Variants in SLIT1 observed in about 807,000 individuals in gnomAD.
SLIT1 encodes slit homolog 1 protein.
In SLIT1, 66 loss-of-function variants were observed where a neutral mutation model predicts 186.1. The observed-to-expected ratio is 0.35, with a 90% CI of 0.29 to 0.44. The LOEUF is 0.44. SLIT1 is among the 20% of genes least tolerant of loss of function. SLIT1 has a pLI of 1.00. For missense variants in SLIT1, 1,638 were observed against 2,037.4 expected (o/e 0.80, Z 3.77); for synonymous variants, 761 against 833.8 (o/e 0.91, Z 1.50).
At chr10:97,141,869 T>C (rs760569740) in intron 4 of SLIT1, among the ~76,000 whole-genome samples, 2 of 152,186 alleles carry the variant, frequency 1.3e-5, no homozygotes, top group Non-Finnish European at 2.9e-5. Flanking sequence ...CATGGTTCAC[T>C]GCATCCCCAA....
At chr10:97,073,622 C>T (rs1363415483) in intron 4 of SLIT1, among the ~76,000 whole-genome samples, 5 of 152,148 alleles carry the variant, frequency 3.3e-5, no homozygotes, top group Non-Finnish European at 5.9e-5. Context: ...GGGACAAGGT[C>T]CCAGACTTCT....
At chr10:97,165,177 T>A (rs1344759175) in intron 1 of SLIT1, among the ~76,000 whole-genome samples, 1 of 152,162 alleles carries the variant, frequency 6.6e-6, no homozygotes, top group Non-Finnish European at 1.5e-5. Flanking sequence ...GTTGGAGAGA[T>A]GAGACATTCA....
chr10:97,110,213 A>G (rs1849452195), intron 4 of SLIT1, among the ~76,000 whole-genome samples: 1 of 152,220 alleles, frequency 6.6e-6, no homozygotes, highest in Admixed American at 6.5e-5. Flanking sequence ...ATGCCTAATC[A>G]AAACAGTTCC....
chr10:97,157,462 G>A (rs1849966521), intron 4 of SLIT1: 1 of 275,264 alleles, frequency 3.6e-6, no homozygotes, highest in African/African-American at 2.2e-5. Flanking sequence ...TTCAGCTCCA[G>A]GCAGGTTACT....
At chr10:97,057,612 G>C (rs1163492179) in intron 11 of SLIT1, 1 of 366,998 alleles carries the variant, frequency 2.7e-6, no homozygotes, top group Non-Finnish European at 4.9e-6. Flanking sequence ...ATCTGGTCCA[G>C]AATCCAAAAG....
intron 10 of SLIT1, 117 bp downstream of exon 10, chr10:97,059,970 G>T: frequency 1.1e-6 from 1 of 883,376 alleles, no homozygotes; most frequent in Non-Finnish European, 1.9e-6. Context: ...TCAGGTGGCT[G>T]GCCAAGGCCA....
chr10:97,171,322 A>AGATGCAACACCCGCCC (rs1162620015), intron 1 of SLIT1, among the ~76,000 whole-genome samples: 1 of 152,108 alleles, frequency 6.6e-6, no homozygotes, highest in Non-Finnish European at 1.5e-5. Context: ...CCCACCTGCC[A>AGATGCAACACCCGCCC]GCTGCAACAC....
intron 1 of SLIT1, among the ~76,000 whole-genome samples, chr10:97,170,009 G>C (rs896714887): frequency 6.6e-6 from 1 of 152,236 alleles, no homozygotes; most frequent in Admixed American, 6.5e-5. Flanking sequence ...CCCTCACCTC[G>C]AGTGGCCATG....
intron 21 of SLIT1, 58 bp downstream of exon 21, chr10:97,039,930 C>T: frequency 6.3e-7 from 1 of 1,586,554 alleles, no homozygotes. Context: ...CAGGAAATGC[C>T]CCCACTGTCC....
At chr10:97,107,737 C>A (rs1211397280) in intron 4 of SLIT1, among the ~76,000 whole-genome samples, 1 of 152,172 alleles carries the variant, frequency 6.6e-6, no homozygotes, top group Non-Finnish European at 1.5e-5. Context: ...GCCCCACCCC[C>A]ACGTGCTGCC....
intron 4 of SLIT1, among the ~76,000 whole-genome samples, chr10:97,082,656 G>A (rs1335197653): frequency 3.3e-5 from 5 of 152,086 alleles, no homozygotes; most frequent in Admixed American, 6.5e-5. Flanking sequence ...GGATGGCCTC[G>A]ATCTCCTGAC....
At chr10:97,024,192 T>TGAG (rs1848525521) in intron 25 of SLIT1, among the ~76,000 whole-genome samples, 1 of 152,220 alleles carries the variant, frequency 6.6e-6, no homozygotes, top group African/African-American at 2.4e-5. Flanking sequence ...AGGAAGCAGT[T>TGAG]ACCCTTGAGA....
intron 28 of SLIT1, 94 bp from the exon 29 acceptor site, chr10:97,014,252 G>A: frequency 1.4e-6 from 2 of 1,464,518 alleles, no homozygotes; most frequent in Admixed American, 1.7e-5. Flanking sequence ...CACGGAGTTA[G>A]GGTCCCTAAT....
intron 4 of SLIT1, among the ~76,000 whole-genome samples, chr10:97,119,919 A>ATATATATATATG (rs1849544338): frequency 8.8e-6 from 1 of 113,926 alleles, no homozygotes; most frequent in Admixed American, 8.5e-5. Context: ...AGGGGTATAT[A>ATATATATATATG]TATATATATA....
intron 36 of SLIT1, 65 bp from the exon 37 acceptor site, chr10:97,001,415 G>A (rs1053438012): frequency 8.0e-7 from 1 of 1,250,458 alleles, no homozygotes; most frequent in African/African-American, 1.5e-5. Flanking sequence ...CTGCCTCCAG[G>A]GAGGCAGGAG....
chr10:97,050,009 A>G (rs377254149), intron 13 of SLIT1, among the ~76,000 whole-genome samples: 1 of 152,182 alleles, frequency 6.6e-6, no homozygotes, highest in East Asian at 1.9e-4. Context: ...TGGCTGTACA[A>G]ACCGAGGCAG....
At chr10:97,057,525 A>G (rs1278094802) in intron 11 of SLIT1, among the ~76,000 whole-genome samples, 2 of 152,272 alleles carry the variant, frequency 1.3e-5, no homozygotes, top group East Asian at 3.8e-4. Flanking sequence ...CCAATCACTA[A>G]CAAAGCAGCT....
At chr10:97,029,232 A>C (rs1848570888) in intron 25 of SLIT1, among the ~76,000 whole-genome samples, 1 of 152,222 alleles carries the variant, frequency 6.6e-6, no homozygotes, top group African/African-American at 2.4e-5. Context: ...TGCTTTCTGA[A>C]GGGTGGGGAA....
At chr10:97,036,758 G>C (rs577906613) in intron 22 of SLIT1, among the ~76,000 whole-genome samples, 1 of 152,286 alleles carries the variant, frequency 6.6e-6, no homozygotes, top group Admixed American at 6.5e-5. Flanking sequence ...ATCTGGCCAA[G>C]GAGCAGATAA....
Sources: gnomAD v4.1 joint callset for allele counts (sites outside exome capture counted in the v4.1 genomes callset) on GRCh38, gnomAD v4.1.1 for gene constraint, MANE v1.5 for transcripts, NCBI Gene and HGNC (gene_info 2026-07-23, HGNC 2026-07-21) for gene names.